The following LDLRAD3 variants were observed in gnomAD, a reference collection of about 807,000 sequenced individuals.
The protein encoded by LDLRAD3 is low density lipoprotein receptor class A domain containing 3, also known as low-density lipoprotein receptor class A domain-containing protein 3.
LDLRAD3 carries 20 observed loss-of-function variants against 29.4 expected under a neutral mutation model. The observed-to-expected ratio is 0.68, with a 90% CI of 0.48 to 0.99. The LOEUF (loss-of-function observed/expected upper bound fraction) is 0.99. LDLRAD3 is among the 50% of genes least tolerant of loss of function. The probability of loss-of-function intolerance (pLI) is 0.00; values close to 1 mark genes in which losing one functional copy is unlikely to be tolerated. For synonymous variants in LDLRAD3, 157 were observed against 192.7 expected (o/e 0.81, Z 1.53); for missense variants, 420 against 454.3 (o/e 0.92, Z 0.69).
At chr11:36,127,952 A>C (rs1565242406) in intron 4 of LDLRAD3, among the ~76,000 whole-genome samples, 1 of 151,482 alleles carries the variant, frequency 6.6e-6, no homozygotes, top group Admixed American at 6.6e-5. Flanking sequence ...TGCCCTTCCA[A>C]AGATATATGT....
chr11:36,029,532 C>T (rs1031797150), intron 1 of LDLRAD3, among the ~76,000 whole-genome samples: 3 of 152,104 alleles, frequency 2.0e-5, no homozygotes, highest in African/African-American at 7.2e-5. Flanking sequence ...TGCAAACCCC[C>T]ACTAGATTAA....
intron 4 of LDLRAD3, among the ~76,000 whole-genome samples, chr11:36,115,982 A>G (rs766074266): frequency 3.9e-5 from 6 of 152,224 alleles, no homozygotes; most frequent in Non-Finnish European, 7.3e-5. Flanking sequence ...CAGGTTCTGG[A>G]TAGGTCAGGC....
In LDLRAD3 at chr11:36,229,360, G is replaced by A. The variant is rs1386616757; in HGVS notation, c.1001G>A (p.Arg334Lys). Residue 334 changes from arginine to lysine, a missense_variant, in exon 6 of 6, where the codon AGG becomes AAG. Around this residue, in one of 3 missense-constraint regions of LDLRAD3, gnomAD observed 140 missense variants for 139.9 expected, o/e 1.00. Coordinates refer to ENST00000315571, the MANE Select transcript of LDLRAD3 (RefSeq NM_174902.4). ...PGPQEGTAEPRDSEPSQGTEE... is the reference protein window; with the variant it reads ...PGPQEGTAEPKDSEPSQGTEE... ...CCCCAGGAGGGCACTGCTGAGCCCAGGGACTCTGAGCCCAGCCAGGGCACT... is the reference window on the plus strand; with the variant it reads ...CCCCAGGAGGGCACTGCTGAGCCCAAGGACTCTGAGCCCAGCCAGGGCACT... 1.2e-6 allele frequency: 2 copies of A among 1,613,620 alleles called. No homozygotes were observed. Among genetic ancestry groups the A allele is most frequent in the Admixed American group, 3.3e-5 (2 of 59,996 alleles).
At chr11:36,025,759 A>G (rs1471105795) in intron 1 of LDLRAD3, among the ~76,000 whole-genome samples, 1 of 141,098 alleles carries the variant, frequency 7.1e-6, no homozygotes, top group Non-Finnish European at 1.5e-5. Context: ...AGAGGTACCC[A>G]TGATCCTGAA....
intron 5 of LDLRAD3, among the ~76,000 whole-genome samples, chr11:36,228,936 G>C (rs973737705): frequency 6.6e-6 from 1 of 152,192 alleles, no homozygotes; most frequent in Non-Finnish European, 1.5e-5. Context: ...TGTGGTTTTG[G>C]CACCGTCCGG....
At chr11:36,039,377 GA>G (rs1158526039) in intron 2 of LDLRAD3, among the ~76,000 whole-genome samples, 1 of 152,174 alleles carries the variant, frequency 6.6e-6, no homozygotes. Context: ...GGGGCTGTGT[GA>G]TCGTGGGAAA....
chr11:36,196,280 C>T (rs1012385401), intron 4 of LDLRAD3: 16 of 152,134 alleles, frequency 1.1e-4, no homozygotes, highest in African/African-American at 3.9e-4. Context: ...TTTTCCTCCA[C>T]ATTTAAAAAT....
intron 4 of LDLRAD3, among the ~76,000 whole-genome samples, chr11:36,105,294 G>A (rs1248405957): frequency 6.6e-6 from 1 of 151,868 alleles, no homozygotes; most frequent in Non-Finnish European, 1.5e-5. Flanking sequence ...TTGTAAGAGT[G>A]TATGCATTCT....
intron 1 of LDLRAD3, among the ~76,000 whole-genome samples, chr11:35,960,388 T>G (rs572245573): frequency 1.3e-5 from 2 of 152,332 alleles, no homozygotes; most frequent in South Asian, 2.1e-4. Flanking sequence ...ATAATATCCT[T>G]GAAGTAGAAT....
At chr11:36,078,735 G>C (rs150307205) in intron 2 of LDLRAD3, among the ~76,000 whole-genome samples, 24 of 152,260 alleles carry the variant, frequency 1.6e-4, no homozygotes, top group Admixed American at 3.3e-4. Context: ...CCTGGGCCCA[G>C]CTCTGCCTCA....
intron 4 of LDLRAD3, among the ~76,000 whole-genome samples, chr11:36,209,689 G>A (rs571861702): frequency 5.9e-5 from 9 of 152,192 alleles, no homozygotes; most frequent in African/African-American, 1.7e-4. Flanking sequence ...TCTTGTGTAT[G>A]TCTAAACTTA....
At chr11:36,068,004 T>G (rs1590239127) in intron 2 of LDLRAD3, among the ~76,000 whole-genome samples, 1 of 152,314 alleles carries the variant, frequency 6.6e-6, no homozygotes, top group East Asian at 1.9e-4. Flanking sequence ...TTGATACAGC[T>G]TCTGTTGTGC....
chr11:36,047,312 A>G (rs535748702), intron 2 of LDLRAD3, among the ~76,000 whole-genome samples: 11 of 152,372 alleles, frequency 7.2e-5, no homozygotes, highest in African/African-American at 2.4e-4. Flanking sequence ...ACAGAGAACC[A>G]TGTCCATTCT....
intron 3 of LDLRAD3, among the ~76,000 whole-genome samples, chr11:36,088,067 C>G (rs1853221872): frequency 6.6e-6 from 1 of 151,960 alleles, no homozygotes; most frequent in African/African-American, 2.4e-5. Flanking sequence ...GTTGCCCAGA[C>G]TGGTCTTGAA....
chr11:35,964,049 G>A (rs1439056663), intron 1 of LDLRAD3, among the ~76,000 whole-genome samples: 1 of 152,186 alleles, frequency 6.6e-6, no homozygotes, highest in East Asian at 1.9e-4. Flanking sequence ...TGGAATTCCA[G>A]GATGGCGTGG....
chr11:35,975,424 G>A (rs1257779836), intron 1 of LDLRAD3, among the ~76,000 whole-genome samples: 4 of 152,172 alleles, frequency 2.6e-5, no homozygotes, highest in Non-Finnish European at 1.5e-5. Context: ...TGAAGAACAA[G>A]AGCATGCAGA....
At chr11:36,102,214 T>C (rs1307227077) in intron 4 of LDLRAD3, among the ~76,000 whole-genome samples, 1 of 152,140 alleles carries the variant, frequency 6.6e-6, no homozygotes, top group Non-Finnish European at 1.5e-5. Context: ...AACAATACTT[T>C]TTGATGCACT....
chr11:36,092,303 A>G (rs976358075), intron 3 of LDLRAD3, among the ~76,000 whole-genome samples: 4 of 152,022 alleles, frequency 2.6e-5, no homozygotes, highest in Non-Finnish European at 5.9e-5. Flanking sequence ...AAATATTTTT[A>G]TCTTTATTTT....
intron 4 of LDLRAD3, among the ~76,000 whole-genome samples, chr11:36,139,852 C>T (rs1201667100): frequency 1.3e-5 from 2 of 152,162 alleles, no homozygotes; most frequent in Non-Finnish European, 2.9e-5. Flanking sequence ...GGGGCAACCT[C>T]TCTTCCCCTG....
Sources: gnomAD v4.1 joint callset for allele counts (sites outside exome capture counted in the v4.1 genomes callset) on GRCh38, gnomAD v4.1.1 for gene constraint, gnomAD v4.1.1 regional missense constraint, MANE v1.5 for transcripts, NCBI Gene and HGNC (gene_info 2026-07-23, HGNC 2026-07-21) for gene names.